LAMA2: variants seen among roughly 807,000 people sequenced by gnomAD.
The protein encoded by LAMA2 is laminin subunit alpha-2.
Under a neutral mutation model 364.8 loss-of-function variants are expected in LAMA2, and 269 were observed. The ratio of observed to expected loss-of-function variants is 0.74; its 90% CI spans 0.67 to 0.82. LAMA2 has a LOEUF of 0.82. Among genes scored for constraint, LAMA2 ranks in the 40% least tolerant of loss-of-function variants. The pLI is 0.00. For missense variants in LAMA2, 3,807 were observed against 3,873.2 expected (o/e 0.98, Z 0.45); for synonymous variants, 1,379 against 1,370.6 (o/e 1.01, Z -0.14).
intron 3 of LAMA2, among the ~76,000 whole-genome samples, chr6:129,086,612 A>C (rs1026189973): frequency 5.3e-5 from 8 of 152,250 alleles, no homozygotes; most frequent in African/African-American, 1.9e-4. Context: ...ATTTTGCAAA[A>C]AGCAAAAGTA....
Position 129,287,864 on chromosome 6 carries a change from T to C in LAMA2, c.2555T>C (p.Phe852Ser). The change falls in exon 19 of 65, where the codon TTT becomes TCT. Residue 852 changes from phenylalanine (F) to serine (S), a missense_variant. Phe to Ser is a radical substitution (Grantham distance 155). Transcript: ENST00000421865. ...TGCCTTAGGTGTGCAGAAGGCTATT[T>C]TGGACAACCCTCTGTACCTGGAGGA... The part of the protein sequence containing the change: ...PRCERCAEGY[F>S]GQPSVPGGSC... The C allele has an allele frequency of 6.2e-7, 1 of 1,613,874 alleles. No homozygotes were observed. The highest frequency in any genetic ancestry group is 8.5e-7 in the Non-Finnish European group (1 of 1,179,810).
At chr6:129,095,557 T>C (rs779795174) in intron 3 of LAMA2, among the ~76,000 whole-genome samples, 1 of 152,128 alleles carries the variant, frequency 6.6e-6, no homozygotes, top group Non-Finnish European at 1.5e-5. Flanking sequence ...TAAAATTAAA[T>C]GAGAGCTGGC....
chr6:129,454,340 GT>G lies in LAMA2; in HGVS notation c.6707+55del, dbSNP rs556837340. 1.3e-4 allele frequency: 193 copies of G among 1,458,844 alleles called. No individual in the cohort carries two copies. In the African/African-American group the frequency reaches 2.5e-3, roughly 19 times the overall value. The allele number at this position is 1,458,844 out of a possible 1,614,324, so 90.4% of individuals were successfully genotyped here. On this transcript the variant is annotated intron_variant, in intron 47 of 64. Coordinates refer to ENST00000421865, the MANE Select transcript of LAMA2 (RefSeq NM_000426.4). The stretch of plus-strand genomic sequence containing the variant: ...AATTAAATGATAGAATTTTGAAGTA[GT>G]TTCCCAGTTTATAAGAAAACTCCTA...
intron 58 of LAMA2, among the ~76,000 whole-genome samples, chr6:129,500,416 A>C (rs1199189394): frequency 4.6e-5 from 7 of 152,218 alleles, no homozygotes; most frequent in African/African-American, 9.6e-5. Context: ...TAGAGTGATC[A>C]GTTTGGTACA....
chr6:129,475,508 G>A, intron 53 of LAMA2, 107 bp downstream of exon 53: 1 of 760,750 alleles, frequency 1.3e-6, no homozygotes, highest in Non-Finnish European at 2.2e-6. Context: ...GTACAGCTTT[G>A]TTCATAGTAT....
intron 43 of LAMA2, chr6:129,442,302 TATAAC>T (rs1475783281): frequency 1.0e-6 from 1 of 1,001,124 alleles, no homozygotes; most frequent in African/African-American, 1.7e-5. Flanking sequence ...TACAAACACA[TATAAC>T]ATAAACTTCA....
intron 27 of LAMA2, among the ~76,000 whole-genome samples, chr6:129,319,321 A>ATGTCTAATTAATTGGCCG (rs1186398339): frequency 6.6e-6 from 1 of 152,196 alleles, no homozygotes; most frequent in East Asian, 1.9e-4. Context: ...AAGAATATAA[A>ATGTCTAATTAATTGGCCG]TGTCTAATTA....
In LAMA2 at chr6:129,280,067, C is replaced by T; in HGVS notation, c.2457C>T (p.Ser819=). The T allele has an allele frequency of 6.2e-7, 1 of 1,611,394 alleles. No homozygotes were observed. The highest frequency in any genetic ancestry group is 8.5e-7 in the Non-Finnish European group (1 of 1,177,704). The change falls in exon 18 of 65, where the codon AGC becomes AGT. Residue 819 remains serine, a synonymous_variant. Transcript: ENST00000421865. ...CGCAACAACATCAACATAGCTTTAG[C>T]CCAACGTGCCATTTAGACCGGAGTC... ...CPLNIPSNNF[S]PTCHLDRSLG...
At chr6:129,311,840 AT>A (rs967976550) in intron 22 of LAMA2, among the ~76,000 whole-genome samples, 10 of 152,356 alleles carry the variant, frequency 6.6e-5, no homozygotes, top group South Asian at 4.1e-4. Context: ...GAAAATAAGC[AT>A]TGGTGGTATG....
At position 129,516,238 on chromosome 6, in the gene LAMA2, G is replaced by A. The variant is rs761693027; in HGVS notation, c.9260G>A (p.Cys3087Tyr). 2 of 1,614,098 alleles carry A rather than the reference G, an allele frequency of 1.2e-6. No individual in the cohort carries two copies. Among genetic ancestry groups the A allele is most frequent in the South Asian group, 1.1e-5 (1 of 91,082 alleles). Residue 3087 changes from cysteine (C) to tyrosine (Y), a missense_variant, in exon 65 of 65, where the codon TGC (cysteine) becomes TAC (tyrosine). Around this residue, in one of 3 missense-constraint regions of LAMA2, gnomAD observed 3,333 missense variants for 3,345.7 expected, o/e 1.00. Transcript: ENST00000421865. ...ACAACCAGTATTCCGTTCCGAGGTT[G>A]CATCAGATCCCTGAAGCTCACCAAA... ...GLTTSIPFRG[C>Y]IRSLKLTKGT...
intron 4 of LAMA2, among the ~76,000 whole-genome samples, chr6:129,103,330 G>C (rs1775623489): frequency 1.3e-5 from 2 of 152,258 alleles, no homozygotes; most frequent in South Asian, 4.2e-4. Context: ...TTACACACAT[G>C]TATGAAGATT....
At chr6:129,427,916 C>G in intron 41 of LAMA2, 62 bp downstream of exon 41, 4 of 953,740 alleles carry the variant, frequency 4.2e-6, no homozygotes, top group Non-Finnish European at 6.9e-6. Context: ...ATAAGATATT[C>G]TATCACACTA....
intron 1 of LAMA2, among the ~76,000 whole-genome samples, chr6:128,958,957 T>A (rs1388988230): frequency 6.6e-6 from 1 of 152,174 alleles, no homozygotes; most frequent in African/African-American, 2.4e-5. Context: ...AGCACTCTCA[T>A]CTGACCCTCA....
intron 61 of LAMA2, among the ~76,000 whole-genome samples, chr6:129,505,783 C>T (rs954618500): frequency 3.3e-5 from 5 of 151,920 alleles, no homozygotes; most frequent in African/African-American, 9.7e-5. Flanking sequence ...CCGCCTGCCT[C>T]GGCCTCCCAA....
chr6:129,050,843 G>A (rs1474780126), intron 2 of LAMA2, among the ~76,000 whole-genome samples: 1 of 152,172 alleles, frequency 6.6e-6, no homozygotes, highest in East Asian at 1.9e-4. Context: ...TTTAGGGAGA[G>A]GCACCATGTA....
At chr6:128,930,281 T>C (rs1779384394) in intron 1 of LAMA2, among the ~76,000 whole-genome samples, 1 of 152,236 alleles carries the variant, frequency 6.6e-6, no homozygotes, top group African/African-American at 2.4e-5. Context: ...TACACCCTCA[T>C]TGACTGAACT....
chr6:129,340,830 C>CAAAAA (rs34264921), intron 29 of LAMA2, among the ~76,000 whole-genome samples: 6 of 59,592 alleles, frequency 1.0e-4, no homozygotes, highest in African/African-American at 2.2e-4. Context: ...AGCTCTGTCT[C>CAAAAA]AAAAAAAAAA....
At chr6:128,937,181 T>G (rs1410488778) in intron 1 of LAMA2, among the ~76,000 whole-genome samples, 5 of 152,224 alleles carry the variant, frequency 3.3e-5, no homozygotes, top group African/African-American at 9.6e-5. Flanking sequence ...GACTCATGTA[T>G]GTTGAATTAT....
intron 12 of LAMA2, among the ~76,000 whole-genome samples, chr6:129,223,963 C>A (rs540446450): frequency 5.3e-4 from 81 of 152,274 alleles, no homozygotes; most frequent in African/African-American, 1.9e-3. Context: ...GATATTGATT[C>A]TTCCTATCCA....
Sources: allele counts gnomAD v4.1 joint callset (sites outside exome capture counted in the v4.1 genomes callset), GRCh38; gene constraint gnomAD v4.1.1; regional missense constraint gnomAD v4.1.1; transcripts MANE v1.5; gene names NCBI Gene and HGNC (gene_info 2026-07-23, HGNC 2026-07-21).